The following KCNIP4 variants were observed in gnomAD, a reference collection of about 807,000 sequenced individuals.
KCNIP4 encodes Kv channel-interacting protein 4.
A neutral mutation model predicts 34.0 loss-of-function variants in KCNIP4; 12 were observed. The ratio of observed to expected loss-of-function variants is 0.35; its 90% CI spans 0.23 to 0.57. KCNIP4 has a LOEUF of 0.57. KCNIP4 is among the 20% of genes least tolerant of loss of function. The pLI, the probability that KCNIP4 is intolerant of heterozygous loss-of-function variation, is 0.83. For missense variants in KCNIP4, 238 were observed against 311.7 expected, an observed-to-expected ratio of 0.76 and a Z score of 1.78; for synonymous variants, 124 against 102.2, an observed-to-expected ratio of 1.21 and a Z score of -1.29.
chr4:20,756,172 T>TAA (rs61417409), intron 4 of KCNIP4, among the ~76,000 whole-genome samples: 18,056 of 139,138 alleles, frequency 0.13, 1,222 homozygotes, highest in South Asian at 0.2. Flanking sequence ...TGGAAAGTAG[T>TAA]AAAAAAAAAA....
At chr4:21,193,476 G>T (rs1050409796) in intron 1 of KCNIP4, among the ~76,000 whole-genome samples, 4 of 151,922 alleles carry the variant, frequency 2.6e-5, no homozygotes, top group Non-Finnish European at 5.9e-5. Context: ...TCAAGAATAT[G>T]GAGAAACTCA....
intron 1 of KCNIP4, among the ~76,000 whole-genome samples, chr4:21,192,283 C>T (rs1351878377): frequency 2.0e-5 from 3 of 152,154 alleles, no homozygotes; most frequent in Non-Finnish European, 2.9e-5. Flanking sequence ...CTTTTACACT[C>T]TTGAGGAAAA....
chr4:21,864,424 T>C (rs1393759334), intron 1 of KCNIP4, among the ~76,000 whole-genome samples: 1 of 152,202 alleles, frequency 6.6e-6, no homozygotes, highest in East Asian at 1.9e-4. Context: ...CATTTTTGCA[T>C]GTGTGCTTTA....
At chr4:20,984,150 T>TC in intron 1 of KCNIP4, 2 of 587,418 alleles carry the variant, frequency 3.4e-6, no homozygotes, top group Non-Finnish European at 5.7e-6. Flanking sequence ...TGGCGGGGCT[T>TC]CCCCCCTGCT....
At chr4:20,936,866 G>A (rs1413168856) in intron 1 of KCNIP4, among the ~76,000 whole-genome samples, 1 of 152,178 alleles carries the variant, frequency 6.6e-6, no homozygotes, top group Non-Finnish European at 1.5e-5. Context: ...AAGACAGAGT[G>A]CAGGTTGCAA....
intron 3 of KCNIP4, among the ~76,000 whole-genome samples, chr4:20,772,915 TCAGCC>T: frequency 6.6e-6 from 1 of 151,922 alleles, no homozygotes; most frequent in African/African-American, 2.4e-5. Flanking sequence ...ATTACAGGCG[TCAGCC>T]ACCACACCCG....
intron 1 of KCNIP4, among the ~76,000 whole-genome samples, chr4:21,802,531 T>C (rs562752233): frequency 1.3e-5 from 2 of 152,168 alleles, no homozygotes; most frequent in Non-Finnish European, 2.9e-5. Context: ...TAATAAATTA[T>C]TTAAAGAAAT....
intron 1 of KCNIP4, among the ~76,000 whole-genome samples, chr4:21,499,346 A>AAAAAAAAAAAAAAAAAAAAAC (rs1491409328): frequency 1.3e-5 from 2 of 148,742 alleles, no homozygotes; most frequent in African/African-American, 5.0e-5. Context: ...AAAAAAAAAA[A>AAAAAAAAAAAAAAAAAAAAAC]CAACTACATA....
In KCNIP4 at chr4:20,964,778, T is replaced by A. The variant is rs114146195; in HGVS notation, c.62-82069A>T. On this transcript the variant is annotated intron_variant, in intron 1 of 8. Coordinates refer to ENST00000382152, the MANE Select transcript of KCNIP4 (RefSeq NM_025221.6). ...CAATTTTCTTAGCCTTTGAAGAAAATCTAGAGCTAATATGGAGTAATTGGT... is the reference window on the plus strand; with the variant it reads ...CAATTTTCTTAGCCTTTGAAGAAAAACTAGAGCTAATATGGAGTAATTGGT... 3.8e-3 allele frequency among the ~76,000 whole-genome samples: 580 copies of A among 152,250 alleles called. 1 individual carries two copies. Among genetic ancestry groups the A allele is most frequent in the Non-Finnish European group, 6.4e-3 (434 of 68,014 alleles).
At chr4:21,247,592 T>TATATATAC (rs551818480) in intron 1 of KCNIP4, among the ~76,000 whole-genome samples, 95 of 144,294 alleles carry the variant, frequency 6.6e-4, no homozygotes, top group African/African-American at 2.3e-3. Context: ...TATATATATA[T>TATATATAC]ACACCACAGA....
At chr4:21,741,168 T>C (rs1021760694) in intron 1 of KCNIP4, among the ~76,000 whole-genome samples, 2 of 152,180 alleles carry the variant, frequency 1.3e-5, no homozygotes, top group African/African-American at 4.8e-5. Flanking sequence ...AACCCAATTT[T>C]ATTTTTTCCA....
At chr4:21,130,062 C>G (rs1183007027) in intron 1 of KCNIP4, among the ~76,000 whole-genome samples, 1 of 152,006 alleles carries the variant, frequency 6.6e-6, no homozygotes, top group Non-Finnish European at 1.5e-5. Flanking sequence ...TAGGAGGGAG[C>G]CTTGAATGAC....
chr4:20,878,162 GT>G (rs1724269705), intron 2 of KCNIP4, among the ~76,000 whole-genome samples: 1 of 152,174 alleles, frequency 6.6e-6, no homozygotes, highest in African/African-American at 2.4e-5. Flanking sequence ...ATGTGCCTCA[GT>G]TTTTTTAGTC....
At chr4:21,645,470 C>G (rs920996207) in intron 1 of KCNIP4, among the ~76,000 whole-genome samples, 1 of 152,108 alleles carries the variant, frequency 6.6e-6, no homozygotes, top group Non-Finnish European at 1.5e-5. Flanking sequence ...GTCACTGTCC[C>G]TAAGCAATGA....
intron 1 of KCNIP4, among the ~76,000 whole-genome samples, chr4:21,826,972 A>C (rs1366493466): frequency 6.6e-6 from 1 of 152,106 alleles, no homozygotes; most frequent in African/African-American, 2.4e-5. Context: ...CACACAGTTG[A>C]ATAATACAGA....
At chr4:21,799,564 T>G (rs1199824454) in intron 1 of KCNIP4, among the ~76,000 whole-genome samples, 1 of 152,172 alleles carries the variant, frequency 6.6e-6, no homozygotes, top group African/African-American at 2.4e-5. Context: ...ATATATTCAC[T>G]TTCAAATTGC....
intron 1 of KCNIP4, among the ~76,000 whole-genome samples, chr4:21,453,779 C>T (rs997392939): frequency 2.0e-5 from 3 of 152,236 alleles, no homozygotes; most frequent in Non-Finnish European, 2.9e-5. Context: ...GCCAGATGAA[C>T]GCAATGCCCA....
chr4:21,897,670 A>G (rs1727475289), intron 1 of KCNIP4, among the ~76,000 whole-genome samples: 1 of 152,178 alleles, frequency 6.6e-6, no homozygotes, highest in Non-Finnish European at 1.5e-5. Context: ...GACTTCCAGG[A>G]ATGAAAATGA....
chr4:21,723,592 C>G (rs964201310), intron 1 of KCNIP4, among the ~76,000 whole-genome samples: 3 of 152,024 alleles, frequency 2.0e-5, no homozygotes, highest in Non-Finnish European at 2.9e-5. Context: ...GAACTCACAA[C>G]AAATGGCTCA....
Sources: gnomAD v4.1 joint callset for allele counts (sites outside exome capture counted in the v4.1 genomes callset) on GRCh38, gnomAD v4.1.1 for gene constraint, MANE v1.5 for transcripts, NCBI Gene and HGNC (gene_info 2026-07-23, HGNC 2026-07-21) for gene names.